Variants in USH2A observed in about 807,000 individuals in gnomAD.
The protein encoded by USH2A is Usher syndrome 2A (autosomal recessive, mild).
A neutral mutation model predicts 538.9 loss-of-function variants in USH2A; 443 were observed. The observed-to-expected ratio is 0.82, with a 90% CI of 0.76 to 0.89. The LOEUF is 0.89. Ranked by LOEUF, USH2A falls within the 40% of genes least tolerant of loss-of-function variation. The probability of loss-of-function intolerance (pLI) is 0.00; values close to 1 mark genes in which losing one functional copy is unlikely to be tolerated. For synonymous variants in USH2A, 2,413 were observed against 2,273.5 expected (o/e 1.06, Z -1.75); for missense variants, 6,633 against 6,324.8 (o/e 1.05, Z -1.65).
At chr1:215,631,155 T>C (rs1042554498) in intron 70 of USH2A, among the ~76,000 whole-genome samples, 2 of 152,170 alleles carry the variant, frequency 1.3e-5, no homozygotes, top group Non-Finnish European at 2.9e-5. Context: ...GTATCTTACC[T>C]GTTCACAAGA....
intron 32 of USH2A, among the ~76,000 whole-genome samples, chr1:216,039,108 A>G (rs1032893899): frequency 6.6e-6 from 1 of 152,014 alleles, no homozygotes; most frequent in East Asian, 1.9e-4. Context: ...GCTAACCACA[A>G]CTGATATTCA....
chr1:216,140,313 C>T lies in USH2A; in HGVS notation c.4627+34939G>A, dbSNP rs116584094. On this transcript the variant is annotated intron_variant, in intron 21 of 71. Coordinates refer to ENST00000307340, the MANE Select transcript of USH2A (RefSeq NM_206933.4). The stretch of plus-strand genomic sequence containing the variant: ...CAGTGCACGGCACATAGTAGATGCT[C>T]AATAAATAACTTTGAATGAAGATGA... Among the ~76,000 whole-genome samples the T allele has an allele frequency of 2.1e-3, 320 of 152,114 alleles. 1 individual carries two copies. Among genetic ancestry groups the T allele is most frequent in the African/African-American group, 7.5e-3 (310 of 41,490 alleles).
At chr1:215,670,084 G>A (rs1292271881) in intron 64 of USH2A, among the ~76,000 whole-genome samples, 2 of 152,184 alleles carry the variant, frequency 1.3e-5, no homozygotes, top group African/African-American at 4.8e-5. Flanking sequence ...TTAAAAGAAC[G>A]GTTGAAGAAC....
chr1:215,922,073 G>A (rs1666112738), intron 38 of USH2A, among the ~76,000 whole-genome samples: 1 of 152,086 alleles, frequency 6.6e-6, no homozygotes, highest in South Asian at 2.1e-4. Context: ...CTAGAATCCA[G>A]GATGAAGATG....
intron 37 of USH2A, among the ~76,000 whole-genome samples, chr1:215,937,658 T>A (rs1019244488): frequency 7.9e-5 from 12 of 152,096 alleles, no homozygotes; most frequent in African/African-American, 2.7e-4. Flanking sequence ...ATTGTAAACT[T>A]TCAAAAAGGT....
At chr1:215,739,362 G>A (rs552142485) in intron 60 of USH2A, among the ~76,000 whole-genome samples, 5 of 152,206 alleles carry the variant, frequency 3.3e-5, no homozygotes, top group South Asian at 2.1e-4. Context: ...TCATTGAAGC[G>A]GGCTTTCTGC....
chr1:216,085,049 A>G (rs2032085253), intron 24 of USH2A, 172 bp from the exon 25 acceptor site: 1 of 648,808 alleles, frequency 1.5e-6, no homozygotes, highest in Non-Finnish European at 2.7e-6. Flanking sequence ...AGTAAATGAT[A>G]GCAATTATAA....
chr1:216,368,208 A>AT (rs67218133), intron 3 of USH2A, among the ~76,000 whole-genome samples: 74 of 149,512 alleles, frequency 4.9e-4, no homozygotes, highest in Middle Eastern at 3.5e-3. Context: ...AGTACACTAG[A>AT]TTTTTTTTTT....
At chr1:215,901,365 C>CT in intron 38 of USH2A, 1 of 183,316 alleles carries the variant, frequency 5.5e-6, no homozygotes. Flanking sequence ...CTTTCTTTTC[C>CT]TTTCTTTTTT....
intron 3 of USH2A, among the ~76,000 whole-genome samples, chr1:216,398,400 C>A (rs4531347): frequency 0.59 from 90,068 of 152,004 alleles, 27,724 homozygotes; most frequent in East Asian, 0.8. Context: ...CCAACAGGCA[C>A]AGACAAAATA....
chr1:215,714,238 A>G lies in USH2A; in HGVS notation c.12066+13792T>C, dbSNP rs148494192. Among the ~76,000 whole-genome samples the G allele has an allele frequency of 2.8e-4, 43 of 152,378 alleles. 1 individual carries two copies. The East Asian group carries it at 4.6e-3, about 16-fold the overall frequency. On this transcript the variant is annotated intron_variant, in intron 61 of 71. Transcript: ENST00000307340. Reference sequence around the variant, plus strand: ...TACAGGTTAGCAAGAAACCAGAAATAAAAGCTAAATATTAAAGAGAAAAAT... The same window carrying G: ...TACAGGTTAGCAAGAAACCAGAAATGAAAGCTAAATATTAAAGAGAAAAAT...
chr1:215,991,149 C>G (rs1322326451), intron 35 of USH2A, among the ~76,000 whole-genome samples: 2 of 152,130 alleles, frequency 1.3e-5, no homozygotes, highest in African/African-American at 4.8e-5. Flanking sequence ...ACATCAGAAA[C>G]AATTTTTGAC....
At position 215,786,749 on chromosome 1, in the gene USH2A, C is replaced by T. The variant is rs375042944; in HGVS notation, c.10308G>A (p.Gly3436=). The change falls in exon 52 of 72, where the codon GGG becomes GGA. Residue 3436 remains glycine (G), a synonymous_variant. Coordinates refer to ENST00000307340, the MANE Select transcript of USH2A (RefSeq NM_206933.4). ...TVIRGSHNST[G]KASIEEMCSS... ...AACACATTTCTTCAATTGATGCCTT[C>T]CCTGTGGAATTGTGAGACCCTCTTA... The T allele has an allele frequency of 5.6e-6, 9 of 1,613,988 alleles. No homozygotes were observed. Among genetic ancestry groups the T allele is most frequent in the Non-Finnish European group, 6.8e-6 (8 of 1,179,948 alleles).
At chr1:215,640,814 ATGAGC>A in intron 67 of USH2A, 80 bp from the exon 68 acceptor site, 24 of 1,338,850 alleles carry the variant, frequency 1.8e-5, no homozygotes, top group Non-Finnish European at 2.5e-5. Flanking sequence ...AAAAAAAAAT[ATGAGC>A]AAAATCAAAC....
chr1:216,293,616 T>C (rs1219350288), intron 9 of USH2A, among the ~76,000 whole-genome samples: 1 of 152,234 alleles, frequency 6.6e-6, no homozygotes, highest in African/African-American at 2.4e-5. Context: ...ATCTGAATTT[T>C]ACTTCAAGTA....
chr1:216,037,565 A>G (rs1464509521), intron 32 of USH2A, among the ~76,000 whole-genome samples: 2 of 152,078 alleles, frequency 1.3e-5, no homozygotes, highest in African/African-American at 4.8e-5. Flanking sequence ...ATTTGATAAA[A>G]TGTTTCAGGA....
At chr1:215,672,128 CA>C (rs1657837447) in intron 63 of USH2A, among the ~76,000 whole-genome samples, 1 of 152,182 alleles carries the variant, frequency 6.6e-6, no homozygotes, top group Non-Finnish European at 1.5e-5. Context: ...TCCTTTCCAA[CA>C]AAATGAGTTT....
chr1:215,970,583 T>C, intron 36 of USH2A, 42 bp downstream of exon 36: 6 of 1,612,914 alleles, frequency 3.7e-6, no homozygotes, highest in Non-Finnish European at 5.1e-6. Flanking sequence ...CAGTGTCATC[T>C]GACATTTAAC....
chr1:215,802,138 C>T (rs1261808251), intron 49 of USH2A, among the ~76,000 whole-genome samples: 1 of 151,498 alleles, frequency 6.6e-6, no homozygotes, highest in Non-Finnish European at 1.5e-5. Flanking sequence ...GATCAAAGAT[C>T]TAGATGTAAA....
Sources: gnomAD v4.1 joint callset for allele counts (sites outside exome capture counted in the v4.1 genomes callset) on GRCh38, gnomAD v4.1.1 for gene constraint, MANE v1.5 for transcripts, NCBI Gene and HGNC (gene_info 2026-07-23, HGNC 2026-07-21) for gene names.